STAG1: variants seen among roughly 807,000 people sequenced by gnomAD.
The protein encoded by STAG1 is STAG1 cohesin complex component.
In STAG1, 26 loss-of-function variants were observed where a neutral mutation model predicts 170.9. The ratio of observed to expected loss-of-function variants is 0.15; its 90% CI spans 0.11 to 0.21. STAG1 has a LOEUF of 0.21. Among genes scored for constraint, STAG1 ranks in the 10% least tolerant of loss-of-function variants. STAG1 has a pLI of 1.00. For synonymous variants in STAG1, 514 were observed against 497.7 expected (o/e 1.03, Z -0.44); for missense variants, 964 against 1,509.5 (o/e 0.64, Z 5.99).
intron 5 of STAG1, among the ~76,000 whole-genome samples, chr3:136,551,217 G>A (rs1396200698): frequency 9.7e-6 from 1 of 102,800 alleles, no homozygotes; most frequent in African/African-American, 3.6e-5. Context: ...GTGAGAGAGA[G>A]AGAGAGAGAG....
In STAG1 at chr3:136,584,384, T is replaced by C. The variant is rs374699197; in HGVS notation, c.298-15523A>G. Among the ~76,000 whole-genome samples the C allele has an allele frequency of 5.3e-5, 8 of 152,344 alleles. No individual in the cohort carries two copies. The East Asian group carries it at 9.6e-4, about 18-fold the overall frequency. ...CAGTACTTACTTTTTAGGTACTTTATGATAACTGCTGTCTCCTAGCTATTA... is the reference window on the plus strand; with the variant it reads ...CAGTACTTACTTTTTAGGTACTTTACGATAACTGCTGTCTCCTAGCTATTA... On this transcript the variant is annotated intron_variant, in intron 4 of 33. Coordinates refer to ENST00000383202, the MANE Select transcript of STAG1 (RefSeq NM_005862.3).
At chr3:136,543,631 G>A (rs138370858) in intron 5 of STAG1, among the ~76,000 whole-genome samples, 3 of 152,184 alleles carry the variant, frequency 2.0e-5, no homozygotes, top group Admixed American at 1.3e-4. Context: ...ATCAGTTACC[G>A]GATATGGGAC....
intron 1 of STAG1, among the ~76,000 whole-genome samples, chr3:136,650,444 A>C (rs1272273527): frequency 6.6e-6 from 1 of 152,224 alleles, no homozygotes; most frequent in Non-Finnish European, 1.5e-5. Context: ...TTGCATCTCC[A>C]TACATACTAC....
In STAG1 at chr3:136,372,255, C is replaced by T. The variant is rs1398990597; in HGVS notation, c.2371-2973G>A. On this transcript the variant is annotated intron_variant, in intron 23 of 33. Coordinates refer to ENST00000383202, the MANE Select transcript of STAG1 (RefSeq NM_005862.3). ...AGCTTAAGGAGATTTTGGGCTGAGA[C>T]GATGGGGTTTTCTAAATATACAATC... Among the ~76,000 whole-genome samples, 10 of 152,294 alleles carry T rather than the reference C, an allele frequency of 6.6e-5. No individual in the cohort carries two copies. In the East Asian group the frequency reaches 9.6e-4, roughly 15 times the overall value.
At chr3:136,734,405 A>T (rs1042176018) in intron 1 of STAG1, among the ~76,000 whole-genome samples, 2 of 152,184 alleles carry the variant, frequency 1.3e-5, no homozygotes, top group Non-Finnish European at 2.9e-5. Flanking sequence ...TACCACCTGG[A>T]CCTTTAAACC....
intron 4 of STAG1, among the ~76,000 whole-genome samples, chr3:136,588,642 A>ATT (rs575023166): frequency 7.1e-6 from 1 of 141,182 alleles, no homozygotes; most frequent in African/African-American, 2.6e-5. Flanking sequence ...ATTTGGCTTT[A>ATT]TTTTTTTTTT....
chr3:136,682,501 T>C (rs1474862201), intron 1 of STAG1, among the ~76,000 whole-genome samples: 10 of 150,688 alleles, frequency 6.6e-5, no homozygotes, highest in Non-Finnish European at 1.0e-4. Context: ...GAACTAAATA[T>C]GTCACACGAA....
chr3:136,358,740 C>A (rs1936750184), intron 27 of STAG1, among the ~76,000 whole-genome samples: 2 of 151,846 alleles, frequency 1.3e-5, no homozygotes, highest in South Asian at 4.2e-4. Context: ...ATGCCTGGCT[C>A]ATTTTTATTT....
At chr3:136,723,432 G>A (rs1373442028) in intron 1 of STAG1, among the ~76,000 whole-genome samples, 1 of 150,866 alleles carries the variant, frequency 6.6e-6, no homozygotes, top group Non-Finnish European at 1.5e-5. Flanking sequence ...CCCCGTCTGA[G>A]AAGTGAGGAG....
intron 3 of STAG1, among the ~76,000 whole-genome samples, chr3:136,621,901 A>G (rs1048914231): frequency 6.6e-6 from 1 of 151,794 alleles, no homozygotes; most frequent in African/African-American, 2.4e-5. Context: ...TTAAATGTTC[A>G]TAAGATGATT....
chr3:136,701,457 C>T (rs1047023852), intron 1 of STAG1, among the ~76,000 whole-genome samples: 64 of 152,048 alleles, frequency 4.2e-4, no homozygotes, highest in African/African-American at 1.5e-3. Flanking sequence ...TAAAGTAGTG[C>T]TTACCCTACA....
intron 1 of STAG1, among the ~76,000 whole-genome samples, chr3:136,644,502 T>C (rs1302831096): frequency 1.3e-5 from 2 of 152,138 alleles, no homozygotes; most frequent in East Asian, 3.9e-4. Context: ...CTCTCATCAA[T>C]GAGATATAAA....
At chr3:136,535,717 G>A (rs558052501) in intron 6 of STAG1, among the ~76,000 whole-genome samples, 16 of 151,998 alleles carry the variant, frequency 1.1e-4, no homozygotes, top group Non-Finnish European at 2.1e-4. Context: ...GACTTGAAAT[G>A]GTACCAACAC....
chr3:136,588,723 G>A (rs1345450947), intron 4 of STAG1, among the ~76,000 whole-genome samples: 1 of 151,858 alleles, frequency 6.6e-6, no homozygotes. Context: ...CGCCTCCCGG[G>A]TTCAAGTGAT....
chr3:136,640,971 G>A (rs1461202105), intron 1 of STAG1, among the ~76,000 whole-genome samples: 5 of 152,102 alleles, frequency 3.3e-5, no homozygotes, highest in African/African-American at 4.8e-5. Context: ...CACTGCGCCC[G>A]GCCCCATTAA....
At chr3:136,560,306 G>A (rs1193739692) in intron 5 of STAG1, among the ~76,000 whole-genome samples, 1 of 152,138 alleles carries the variant, frequency 6.6e-6, no homozygotes, top group Non-Finnish European at 1.5e-5. Flanking sequence ...ATCTGTCAAT[G>A]AAAACTACTT....
At chr3:136,475,752 A>C (rs2089733225) in intron 10 of STAG1, among the ~76,000 whole-genome samples, 1 of 152,246 alleles carries the variant, frequency 6.6e-6, no homozygotes, top group Non-Finnish European at 1.5e-5. Context: ...TGGAGGGAGC[A>C]GAGCAAATAG....
intron 10 of STAG1, among the ~76,000 whole-genome samples, chr3:136,476,471 C>T (rs568866754): frequency 6.6e-6 from 1 of 152,112 alleles, no homozygotes; most frequent in South Asian, 2.1e-4. Context: ...TTCCAGGGGG[C>T]AAGACAGGTG....
intron 1 of STAG1, among the ~76,000 whole-genome samples, chr3:136,723,624 G>A (rs1467794277): frequency 6.7e-6 from 1 of 148,648 alleles, no homozygotes; most frequent in African/African-American, 2.5e-5. Context: ...TCAGCCCCCT[G>A]CCCGGCCAGC....
Sources: gnomAD v4.1 joint callset for allele counts (sites outside exome capture counted in the v4.1 genomes callset) on GRCh38, gnomAD v4.1.1 for gene constraint, MANE v1.5 for transcripts, NCBI Gene and HGNC (gene_info 2026-07-23, HGNC 2026-07-21) for gene names.